THADA: variants seen among roughly 807,000 people sequenced by gnomAD.
THADA encodes tRNA (32-2'-O)-methyltransferase regulator THADA.
In THADA, 213 loss-of-function variants were observed where a neutral mutation model predicts 219.8. The ratio of observed to expected loss-of-function variants is 0.97; its 90% CI spans 0.87 to 1.09. The LOEUF (loss-of-function observed/expected upper bound fraction) is 1.09, where lower values mean the gene tolerates loss of function less well. Among genes scored for constraint, THADA ranks in the 50% least tolerant of loss-of-function variants. The pLI is 0.00. For missense variants in THADA, 2,956 were observed against 2,311.3 expected (o/e 1.28, Z -5.72); for synonymous variants, 1,018 against 828.9 (o/e 1.23, Z -3.92).
chr2:43,547,251 G>A (rs1484713804), intron 20 of THADA, among the ~76,000 whole-genome samples: 2 of 151,200 alleles, frequency 1.3e-5, no homozygotes, highest in African/African-American at 4.8e-5. Flanking sequence ...GCTGTTAGTC[G>A]GGCTTCCCTT....
At chr2:43,247,706 C>T (rs550568989) in intron 36 of THADA, among the ~76,000 whole-genome samples, 2 of 116,782 alleles carry the variant, frequency 1.7e-5, no homozygotes, top group Non-Finnish European at 3.2e-5. Context: ...TCCAGACTGG[C>T]GACAGAGCAA....
intron 29 of THADA, among the ~76,000 whole-genome samples, chr2:43,368,631 C>T (rs1670448943): frequency 6.6e-6 from 1 of 151,966 alleles, no homozygotes. Flanking sequence ...CTCCTGGCCT[C>T]AAGTGATCCT....
intron 21 of THADA, among the ~76,000 whole-genome samples, chr2:43,530,180 C>T (rs1333434914): frequency 1.3e-5 from 2 of 151,854 alleles, no homozygotes; most frequent in African/African-American, 4.8e-5. Flanking sequence ...CTTTAGTATC[C>T]CAAAGAGTGA....
chr2:43,546,307 G>A (rs553608303), intron 20 of THADA, among the ~76,000 whole-genome samples: 1 of 152,042 alleles, frequency 6.6e-6, no homozygotes, highest in Admixed American at 6.5e-5. Context: ...GTCAATTTTG[G>A]AATAGGTGTG....
intron 34 of THADA, among the ~76,000 whole-genome samples, chr2:43,289,720 C>T (rs1052236829): frequency 4.6e-5 from 7 of 152,048 alleles, no homozygotes; most frequent in African/African-American, 1.7e-4. Flanking sequence ...GAGACAATCT[C>T]GGCTCACTGC....
chr2:43,291,223 G>C (rs1485013166), intron 34 of THADA, among the ~76,000 whole-genome samples: 2 of 151,734 alleles, frequency 1.3e-5, no homozygotes, highest in East Asian at 3.9e-4. Flanking sequence ...GCCGAGGCGG[G>C]TGGATCACCT....
intron 30 of THADA, among the ~76,000 whole-genome samples, chr2:43,332,013 C>T (rs1357599909): frequency 6.6e-6 from 1 of 151,944 alleles, no homozygotes; most frequent in Non-Finnish European, 1.5e-5. Flanking sequence ...ATGAGACCTT[C>T]ACAATTTACT....
At chr2:43,408,426 T>G (rs1315838366) in intron 28 of THADA, 1 of 152,204 alleles carries the variant, frequency 6.6e-6, no homozygotes, top group East Asian at 1.9e-4. Flanking sequence ...AATAAAAATC[T>G]TCAACATTAC....
rs1338307042 is a variant in THADA at position 43,549,340 on chromosome 2, C to G, written c.2976G>C (p.Leu992=). The stretch of plus-strand genomic sequence containing the variant: ...TAGTATCTCGAGGCTGAATCTCATT[C>G]AGAATCATCTGTAAGCGGCTTGCTG... ...SESASRLQMI[L]NEIQPRDTND... is the part of the protein sequence containing the mutation. Residue 992 remains leucine, a synonymous_variant, in exon 20 of 38, where the codon CTG becomes CTC. Coordinates refer to ENST00000405975, the MANE Select transcript of THADA (RefSeq NM_022065.5). 1 of 1,603,832 alleles carries G rather than the reference C, an allele frequency of 6.2e-7. No homozygotes were observed. The highest frequency in any genetic ancestry group is 1.1e-5 in the South Asian group (1 of 88,718).
intron 29 of THADA, among the ~76,000 whole-genome samples, chr2:43,391,612 T>G (rs181528908): frequency 1.7e-3 from 254 of 152,312 alleles, no homozygotes; most frequent in Non-Finnish European, 2.2e-3. Context: ...AGTTTTTTTT[T>G]TAAGAGCCCA....
intron 30 of THADA, chr2:43,343,113 A>T (rs1216858692): frequency 6.6e-6 from 1 of 152,186 alleles, no homozygotes; most frequent in Non-Finnish European, 1.5e-5. Flanking sequence ...CTAGAGCCTT[A>T]AACTCCTGGG....
chr2:43,436,928 C>T (rs541193979), intron 26 of THADA, among the ~76,000 whole-genome samples: 18 of 152,252 alleles, frequency 1.2e-4, no homozygotes, highest in African/African-American at 3.9e-4. Flanking sequence ...TGGCTGTAAG[C>T]AAATTTCAAA....
intron 7 of THADA, among the ~76,000 whole-genome samples, chr2:43,584,516 A>T (rs1700805029): frequency 1.3e-5 from 2 of 152,234 alleles, no homozygotes; most frequent in Admixed American, 1.3e-4. Context: ...ACCCTGAGTG[A>T]AAGAAGATGT....
At chr2:43,417,676 C>G (rs1404084026) in intron 28 of THADA, among the ~76,000 whole-genome samples, 1 of 152,184 alleles carries the variant, frequency 6.6e-6, no homozygotes, top group Non-Finnish European at 1.5e-5. Context: ...TGTCATACTT[C>G]ACAGACACAG....
At chr2:43,462,642 G>C (rs1329188530) in intron 26 of THADA, among the ~76,000 whole-genome samples, 1 of 152,134 alleles carries the variant, frequency 6.6e-6, no homozygotes, top group African/African-American at 2.4e-5. Flanking sequence ...CATTTTGGAA[G>C]GAAGACCAAA....
intron 20 of THADA, among the ~76,000 whole-genome samples, chr2:43,543,144 G>A (rs1192330437): frequency 6.7e-6 from 1 of 150,126 alleles, no homozygotes; most frequent in African/African-American, 2.5e-5. Context: ...TTGTTCTTGC[G>A]ATAGTTTACT....
At chr2:43,410,880 T>C (rs1676209240) in intron 28 of THADA, among the ~76,000 whole-genome samples, 1 of 152,184 alleles carries the variant, frequency 6.6e-6, no homozygotes, top group Admixed American at 6.5e-5. Context: ...CCCAATAAAG[T>C]TGTTTTTAAA....
At chr2:43,595,716 TTTC>T (rs1255407219) in intron 1 of THADA, 1 of 152,524 alleles carries the variant, frequency 6.6e-6, no homozygotes, top group East Asian at 1.9e-4. Context: ...CTCTGGGCGA[TTTC>T]TGAACCACGT....
At chr2:43,335,862 G>A (rs1055876018) in intron 30 of THADA, among the ~76,000 whole-genome samples, 13 of 151,786 alleles carry the variant, frequency 8.6e-5, no homozygotes, top group Non-Finnish European at 1.6e-4. Context: ...ACTTTGGGAG[G>A]CCGAGGCAGG....
Sources: gnomAD v4.1 joint callset for allele counts (sites outside exome capture counted in the v4.1 genomes callset) on GRCh38, gnomAD v4.1.1 for gene constraint, MANE v1.5 for transcripts, NCBI Gene and HGNC (gene_info 2026-07-23, HGNC 2026-07-21) for gene names.